PCCA: variants seen among roughly 807,000 people sequenced by gnomAD.
PCCA encodes the protein propionyl-CoA carboxylase subunit alpha.
Under a neutral mutation model 101.3 loss-of-function variants are expected in PCCA, and 74 were observed. The ratio of observed to expected loss-of-function variants is 0.73; its 90% confidence interval spans 0.61 to 0.89. The LOEUF (loss-of-function observed/expected upper bound fraction) is 0.89. Ranked by LOEUF, PCCA falls within the 40% of genes least tolerant of loss-of-function variation. The pLI is 0.00. For missense variants in PCCA, 891 were observed against 907.0 expected, an observed-to-expected ratio of 0.98 and a Z score of 0.23; for synonymous variants, 294 against 313.6, an observed-to-expected ratio of 0.94 and a Z score of 0.66.
chr13:100,243,087 G>A (rs2061247010), intron 8 of PCCA, among the ~76,000 whole-genome samples: 1 of 152,146 alleles, frequency 6.6e-6, no homozygotes, highest in African/African-American at 2.4e-5. Flanking sequence ...ATAGATACAA[G>A]GTTTCACCAT....
At chr13:100,115,091 A>G (rs1282375314) in intron 4 of PCCA, among the ~76,000 whole-genome samples, 1 of 152,248 alleles carries the variant, frequency 6.6e-6, no homozygotes, top group Non-Finnish European at 1.5e-5. Flanking sequence ...ATTCAGCCAT[A>G]GAAAAGAATG....
At chr13:100,292,290 C>G (rs1192146974) in intron 12 of PCCA, among the ~76,000 whole-genome samples, 2 of 152,188 alleles carry the variant, frequency 1.3e-5, no homozygotes, top group African/African-American at 4.8e-5. Flanking sequence ...TTGTTAATTG[C>G]AAACATCTAC....
intron 23 of PCCA, among the ~76,000 whole-genome samples, chr13:100,529,757 G>T (rs759285599): frequency 6.6e-6 from 1 of 152,186 alleles, no homozygotes; most frequent in Non-Finnish European, 1.5e-5. Context: ...CTAGGGGTTA[G>T]AACTCACCTG....
At chr13:100,138,216 A>T (rs1258719370) in intron 4 of PCCA, among the ~76,000 whole-genome samples, 1 of 151,992 alleles carries the variant, frequency 6.6e-6, no homozygotes. Context: ...TGAACTTTTT[A>T]AAAGTATTCC....
At chr13:100,360,747 G>A (rs1567000318) in intron 18 of PCCA, among the ~76,000 whole-genome samples, 1 of 152,136 alleles carries the variant, frequency 6.6e-6, no homozygotes, top group Admixed American at 6.5e-5. Context: ...TTAGAAGACA[G>A]TTTGGCAGTT....
At chr13:100,214,813 G>A (rs1260045013) in intron 7 of PCCA, among the ~76,000 whole-genome samples, 1 of 151,964 alleles carries the variant, frequency 6.6e-6, no homozygotes, top group East Asian at 1.9e-4. Context: ...CATAGCTATT[G>A]TAAATGGGAT....
intron 9 of PCCA, among the ~76,000 whole-genome samples, chr13:100,260,977 G>A (rs572182965): frequency 5.7e-4 from 86 of 150,818 alleles, no homozygotes; most frequent in African/African-American, 2.0e-3. Context: ...CACAAAACAA[G>A]CAAATCAGAT....
At chr13:100,241,023 G>C (rs886809327) in intron 8 of PCCA, among the ~76,000 whole-genome samples, 1 of 151,954 alleles carries the variant, frequency 6.6e-6, no homozygotes. Flanking sequence ...GTCAGTTCTC[G>C]CCTACCCCCT....
chr13:100,393,266 C>T (rs934158140), intron 19 of PCCA, among the ~76,000 whole-genome samples: 3 of 152,132 alleles, frequency 2.0e-5, no homozygotes, highest in African/African-American at 7.2e-5. Context: ...CCACATTATC[C>T]TGTTGGGATA....
intron 21 of PCCA, among the ~76,000 whole-genome samples, chr13:100,474,460 CTCTCTCTCTGTCTCTG>C (rs1446314314): frequency 7.5e-6 from 1 of 133,988 alleles, no homozygotes; most frequent in Non-Finnish European, 1.7e-5. Flanking sequence ...CTCTCTCTCT[CTCTCTCTCTGTCTCTG>C]TCTCTGTCTC....
intron 4 of PCCA, among the ~76,000 whole-genome samples, chr13:100,117,532 A>G (rs1566505507): frequency 1.3e-5 from 2 of 152,168 alleles, no homozygotes; most frequent in East Asian, 3.9e-4. Flanking sequence ...GACAGAAAAC[A>G]AAACACTGCA....
At chr13:100,332,955 G>A (rs1303022873) in intron 17 of PCCA, among the ~76,000 whole-genome samples, 1 of 152,222 alleles carries the variant, frequency 6.6e-6, no homozygotes, top group East Asian at 1.9e-4. Flanking sequence ...TTGAACCTAG[G>A]CTTATTCAAC....
chr13:100,452,101 TCCTTTCTCTCTCTCCTCTTCTTCCTCTCC>T (rs1278481205), intron 21 of PCCA, among the ~76,000 whole-genome samples: 51 of 88,926 alleles, frequency 5.7e-4, no homozygotes, highest in African/African-American at 2.1e-3. Context: ...TTCCTCCTCT[TCCTTTCTCTCTCTCCTCTTCTTCCTCTCC>T]CTCTCTCTCC....
At chr13:100,161,337 G>C (rs2054452007) in intron 6 of PCCA, 1 of 152,220 alleles carries the variant, frequency 6.6e-6, no homozygotes, top group Middle Eastern at 3.4e-3. Context: ...TAATTTAACA[G>C]TTCCACCCTT....
At position 100,508,102 on chromosome 13, in the gene PCCA, A is replaced by G. The variant is rs189311215; in HGVS notation, c.1900-7325A>G. On this transcript the variant is annotated intron_variant, in intron 21 of 23. Coordinates refer to ENST00000376285, the MANE Select transcript of PCCA (RefSeq NM_000282.4). ...AGGCTAGATTTTTGTATTATTGACA[A>G]CCCCATATTCTTCCCTCCAGAGGAG... Among the ~76,000 whole-genome samples the G allele has an allele frequency of 5.3e-3, 800 of 152,166 alleles. 3 individuals are homozygous for G. Among genetic ancestry groups the G allele is most frequent in the Non-Finnish European group, 8.2e-3 (558 of 67,988 alleles).
chr13:100,224,407 G>A lies in PCCA; in HGVS notation c.601-11435G>A, dbSNP rs190191205. Among the ~76,000 whole-genome samples, 13 of 152,360 alleles carry A rather than the reference G, an allele frequency of 8.5e-5. No homozygotes were observed. The East Asian group carries it at 2.1e-3, about 25-fold the overall frequency. ...AGCTGGCCCGCAAGCGCAGCTAGCA[G>A]CCCTGGTTCCCGCTGGCGCCTCTCC... On this transcript the variant is annotated intron_variant, in intron 7 of 23. Transcript: ENST00000376285.
At chr13:100,169,846 C>A (rs556849440) in intron 6 of PCCA, among the ~76,000 whole-genome samples, 1 of 152,058 alleles carries the variant, frequency 6.6e-6, no homozygotes, top group African/African-American at 2.4e-5. Context: ...ATTACAGATG[C>A]CTACCACCTT....
At chr13:100,346,954 A>G (rs1170346379) in intron 18 of PCCA, among the ~76,000 whole-genome samples, 1 of 151,860 alleles carries the variant, frequency 6.6e-6, no homozygotes, top group Admixed American at 6.6e-5. Context: ...GTTCACTGCA[A>G]CCTCCGCCTC....
At chr13:100,314,841 A>G (rs1420651725) in intron 16 of PCCA, among the ~76,000 whole-genome samples, 1 of 152,214 alleles carries the variant, frequency 6.6e-6, no homozygotes, top group Non-Finnish European at 1.5e-5. Context: ...CCTGGTTTAG[A>G]TCCTGGACCA....
Sources: gnomAD v4.1 joint callset for allele counts (sites outside exome capture counted in the v4.1 genomes callset) on GRCh38, gnomAD v4.1.1 for gene constraint, MANE v1.5 for transcripts, NCBI Gene and HGNC (gene_info 2026-07-23, HGNC 2026-07-21) for gene names.